The following MACROD2 variants were observed in gnomAD, a reference collection of about 807,000 sequenced individuals.
MACROD2 encodes ADP-ribose glycohydrolase MACROD2.
Under a neutral mutation model 70.4 loss-of-function variants are expected in MACROD2, and 36 were observed. That is an observed-to-expected ratio of 0.51 (90% CI 0.39 to 0.68). The LOEUF (loss-of-function observed/expected upper bound fraction) is 0.68, where lower values mean the gene tolerates loss of function less well. Among genes scored for constraint, MACROD2 ranks in the 30% least tolerant of loss-of-function variants. MACROD2 has a pLI of 0.00. For synonymous variants in MACROD2, 172 were observed against 178.8 expected, an observed-to-expected ratio of 0.96 and a Z score of 0.30; for missense variants, 496 against 538.4, an observed-to-expected ratio of 0.92 and a Z score of 0.78.
At chr20:14,245,223 C>T (rs912415168) in intron 3 of MACROD2, among the ~76,000 whole-genome samples, 8 of 151,888 alleles carry the variant, frequency 5.3e-5, no homozygotes, top group Admixed American at 1.3e-4. Context: ...ATCAGCCGGG[C>T]GTGGTGGCGG....
intron 5 of MACROD2, among the ~76,000 whole-genome samples, chr20:14,872,248 TG>T (rs2073497219): frequency 6.6e-6 from 1 of 152,162 alleles, no homozygotes; most frequent in African/African-American, 2.4e-5. Context: ...TGACACTAGT[TG>T]GCAGAAAGGG....
At chr20:14,730,863 A>G (rs1261967505) in intron 5 of MACROD2, among the ~76,000 whole-genome samples, 2 of 152,236 alleles carry the variant, frequency 1.3e-5, no homozygotes, top group East Asian at 3.9e-4. Flanking sequence ...AGATCTTTCT[A>G]TTATTCCAGA....
At chr20:15,517,037 A>T (rs1018632178) in intron 8 of MACROD2, among the ~76,000 whole-genome samples, 1 of 152,160 alleles carries the variant, frequency 6.6e-6, no homozygotes, top group African/African-American at 2.4e-5. Flanking sequence ...TGTAAATGGT[A>T]TCTCAAAAAA....
chr20:14,942,489 G>A (rs754379264), intron 5 of MACROD2, among the ~76,000 whole-genome samples: 10 of 151,196 alleles, frequency 6.6e-5, no homozygotes, highest in Admixed American at 4.0e-4. Context: ...TGTGCTCCAC[G>A]GTGTATCACC....
intron 8 of MACROD2, among the ~76,000 whole-genome samples, chr20:15,550,313 TTAAA>T (rs1427939088): frequency 6.7e-6 from 1 of 149,706 alleles, no homozygotes; most frequent in African/African-American, 2.4e-5. Context: ...TAAGAAATAT[TTAAA>T]TAAATATTTA....
At chr20:15,512,710 C>G (rs1238374280) in intron 8 of MACROD2, among the ~76,000 whole-genome samples, 1 of 152,164 alleles carries the variant, frequency 6.6e-6, no homozygotes, top group East Asian at 1.9e-4. Context: ...TGAATCAGAC[C>G]CTGGATGTGG....
At chr20:15,855,640 C>T (rs2064348421) in intron 8 of MACROD2, among the ~76,000 whole-genome samples, 3 of 152,126 alleles carry the variant, frequency 2.0e-5, no homozygotes, top group Admixed American at 6.5e-5. Context: ...GATCAAAAAA[C>T]CAGGATCCCA....
At chr20:15,101,781 T>C (rs2075875057) in intron 5 of MACROD2, among the ~76,000 whole-genome samples, 2 of 152,132 alleles carry the variant, frequency 1.3e-5, no homozygotes, top group South Asian at 4.1e-4. Context: ...ATTATAAATA[T>C]ATAGATTTTC....
intron 3 of MACROD2, among the ~76,000 whole-genome samples, chr20:14,307,431 A>G (rs747869731): frequency 3.3e-5 from 5 of 152,104 alleles, no homozygotes; most frequent in Non-Finnish European, 7.4e-5. Flanking sequence ...TATGGACTTC[A>G]TTCACTTTTT....
intron 5 of MACROD2, among the ~76,000 whole-genome samples, chr20:14,950,813 G>A (rs1335019204): frequency 6.6e-6 from 1 of 152,148 alleles, no homozygotes; most frequent in East Asian, 1.9e-4. Context: ...ATGTTTTAGT[G>A]AAAAGACTTG....
chr20:14,314,756 G>A (rs113898203), intron 3 of MACROD2, among the ~76,000 whole-genome samples: 2 of 110,370 alleles, frequency 1.8e-5, no homozygotes, highest in African/African-American at 3.7e-5. Flanking sequence ...GTGAGACTTC[G>A]TCTCTAAATA....
At chr20:14,599,213 G>C (rs1222818591) in intron 4 of MACROD2, among the ~76,000 whole-genome samples, 1 of 152,108 alleles carries the variant, frequency 6.6e-6, no homozygotes, top group Non-Finnish European at 1.5e-5. Context: ...GATGTAGGGG[G>C]CAAAGCCTGG....
chr20:15,410,580 A>C (rs1165637308), intron 6 of MACROD2, among the ~76,000 whole-genome samples: 2 of 152,148 alleles, frequency 1.3e-5, no homozygotes, highest in East Asian at 3.8e-4. Context: ...TAGAGGTGAA[A>C]ATATTCTACT....
chr20:14,239,695 A>G (rs1043655035), intron 3 of MACROD2, among the ~76,000 whole-genome samples: 3 of 152,262 alleles, frequency 2.0e-5, no homozygotes, highest in African/African-American at 7.2e-5. Flanking sequence ...AAGATGGATT[A>G]AAGTCTTAAA....
intron 5 of MACROD2, among the ~76,000 whole-genome samples, chr20:15,116,550 C>T (rs2075993022): frequency 6.6e-6 from 1 of 152,120 alleles, no homozygotes; most frequent in Non-Finnish European, 1.5e-5. Context: ...GAGGCTGAGA[C>T]AGGAGAATCG....
intron 5 of MACROD2, among the ~76,000 whole-genome samples, chr20:15,099,609 A>G (rs907374216): frequency 2.6e-5 from 4 of 152,148 alleles, no homozygotes; most frequent in African/African-American, 9.7e-5. Flanking sequence ...GACTGAGACA[A>G]TAATCGGTAC....
chr20:16,043,905 A>C (rs1413640137), intron 16 of MACROD2, among the ~76,000 whole-genome samples: 2 of 152,080 alleles, frequency 1.3e-5, no homozygotes, highest in Non-Finnish European at 2.9e-5. Context: ...CAAGAATCAT[A>C]ATATGTACAT....
chr20:14,470,496 A>T (rs2084515430), intron 3 of MACROD2, among the ~76,000 whole-genome samples: 1 of 152,126 alleles, frequency 6.6e-6, no homozygotes, highest in South Asian at 2.1e-4. Context: ...GCAGGCAGTA[A>T]CGTTTGTCTG....
At chr20:16,042,522 TG>T (rs2067320825) in intron 16 of MACROD2, among the ~76,000 whole-genome samples, 2 of 152,034 alleles carry the variant, frequency 1.3e-5, no homozygotes, top group South Asian at 4.1e-4. Flanking sequence ...TAAAGAGACA[TG>T]TTTAACAAGA....
Sources: allele counts gnomAD v4.1 joint callset (sites outside exome capture counted in the v4.1 genomes callset), GRCh38; gene constraint gnomAD v4.1.1; transcripts MANE v1.5; gene names NCBI Gene and HGNC (gene_info 2026-07-23, HGNC 2026-07-21).